The following GRM8 variants were observed in gnomAD, a reference collection of about 807,000 sequenced individuals.
The protein encoded by GRM8 is glutamate metabotropic receptor 8.
A neutral mutation model predicts 87.2 loss-of-function variants in GRM8; 47 were observed. That is an observed-to-expected ratio of 0.54 (90% CI 0.43 to 0.69). GRM8 has a LOEUF of 0.69. Ranked by LOEUF, GRM8 falls within the 30% of genes least tolerant of loss-of-function variation. The pLI is 0.00. For missense variants in GRM8, 1,019 were observed against 1,139.2 expected (o/e 0.89, Z 1.52); for synonymous variants, 396 against 404.5 (o/e 0.98, Z 0.25).
chr7:127,021,343 T>A (rs1239599549), intron 3 of GRM8, among the ~76,000 whole-genome samples: 3 of 151,464 alleles, frequency 2.0e-5, no homozygotes, highest in African/African-American at 7.3e-5. Flanking sequence ...CAGAGGGAAA[T>A]TTTTTTTAAA....
chr7:126,768,911 C>T (rs185062893), intron 7 of GRM8, among the ~76,000 whole-genome samples: 109 of 111,358 alleles, frequency 9.8e-4, no homozygotes, highest in African/African-American at 3.9e-3. Context: ...CTTAGGTTGC[C>T]TTTAAAGGAA....
intron 2 of GRM8, among the ~76,000 whole-genome samples, chr7:127,242,022 T>C (rs1378252627): frequency 1.3e-5 from 2 of 152,224 alleles, no homozygotes; most frequent in Non-Finnish European, 2.9e-5. Flanking sequence ...AACATATGGG[T>C]AATAGATCAC....
chr7:127,050,420 G>A (rs1476096321), intron 3 of GRM8, among the ~76,000 whole-genome samples: 1 of 152,202 alleles, frequency 6.6e-6, no homozygotes, highest in Admixed American at 6.5e-5. Context: ...GTAGAGGTAG[G>A]AGTGAAGGTC....
chr7:126,883,752 A>C (rs568749076), intron 6 of GRM8, among the ~76,000 whole-genome samples: 2 of 152,274 alleles, frequency 1.3e-5, no homozygotes, highest in South Asian at 4.1e-4. Flanking sequence ...AGACAGACTA[A>C]ACTTTTTAAC....
At chr7:127,029,797 G>A (rs1460467370) in intron 3 of GRM8, among the ~76,000 whole-genome samples, 1 of 151,896 alleles carries the variant, frequency 6.6e-6, no homozygotes, top group East Asian at 1.9e-4. Context: ...CAATTTGCCA[G>A]GCTGAGAGAT....
chr7:127,168,847 G>T (rs1368038602), intron 2 of GRM8, among the ~76,000 whole-genome samples: 1 of 151,894 alleles, frequency 6.6e-6, no homozygotes, highest in South Asian at 2.1e-4. Context: ...ACACACGGGG[G>T]CCTGTCGGGT....
chr7:126,601,897 A>T (rs1367019381), intron 8 of GRM8, among the ~76,000 whole-genome samples: 41 of 139,432 alleles, frequency 2.9e-4, no homozygotes, highest in Non-Finnish European at 4.7e-4. Context: ...GTTCACTCTG[A>T]TGGTAGTTTC....
chr7:127,057,556 A>G (rs1383015294), intron 3 of GRM8, among the ~76,000 whole-genome samples: 1 of 152,230 alleles, frequency 6.6e-6, no homozygotes, highest in Admixed American at 6.5e-5. Context: ...ACACATATAC[A>G]AAGTAAAACA....
intron 3 of GRM8, among the ~76,000 whole-genome samples, chr7:127,042,264 A>T (rs4731343): frequency 0.34 from 52,365 of 152,032 alleles, 9,465 homozygotes; most frequent in Non-Finnish European, 0.41. Flanking sequence ...CAGGGTAAGT[A>T]ACAGGATTGC....
intron 2 of GRM8, among the ~76,000 whole-genome samples, chr7:127,138,092 T>G (rs1187296537): frequency 6.6e-6 from 1 of 152,124 alleles, no homozygotes; most frequent in African/African-American, 2.4e-5. Flanking sequence ...AAGCAGCACC[T>G]GCAATTCCCT....
At chr7:126,443,668 T>G (rs1801707395) in intron 10 of GRM8, among the ~76,000 whole-genome samples, 1 of 152,054 alleles carries the variant, frequency 6.6e-6, no homozygotes, top group African/African-American at 2.4e-5. Context: ...TGATTTACTT[T>G]TTGACTTTAC....
chr7:126,535,696 A>T (rs1404619551), intron 8 of GRM8, among the ~76,000 whole-genome samples: 2 of 152,202 alleles, frequency 1.3e-5, no homozygotes, highest in African/African-American at 4.8e-5. Context: ...GTCTTACGGG[A>T]AGCTGCTTCT....
chr7:126,578,728 T>C (rs1253250756), intron 8 of GRM8, among the ~76,000 whole-genome samples: 1 of 152,202 alleles, frequency 6.6e-6, no homozygotes, highest in Non-Finnish European at 1.5e-5. Context: ...GAAGGCTGTA[T>C]AAAGGCACAT....
intron 9 of GRM8, among the ~76,000 whole-genome samples, chr7:126,505,822 T>A (rs1810372824): frequency 6.6e-6 from 1 of 152,054 alleles, no homozygotes; most frequent in African/African-American, 2.4e-5. Context: ...CTAACATATT[T>A]AATATTTTCT....
At chr7:126,924,156 A>G (rs1359590810) in intron 3 of GRM8, among the ~76,000 whole-genome samples, 1 of 152,188 alleles carries the variant, frequency 6.6e-6, no homozygotes, top group East Asian at 1.9e-4. Flanking sequence ...AACATCAGCA[A>G]TAGGGGGAAT....
chr7:126,769,873 T>A lies in GRM8; in HGVS notation c.1349A>T (p.Asn450Ile), dbSNP rs1174011588. The change falls in exon 7 of 11, where the codon AAT becomes ATT. Residue 450 changes from asparagine to isoleucine, a missense_variant. Transcript: ENST00000339582. ...KELLGYIRAV[N>I]FNGSAGTPVT... ...CACACGTTGTAACTTACCATTAAAA[T>A]TTACAGCCCGAATATAACCAAGTAG... The A allele has an allele frequency of 8.8e-6, 14 of 1,592,674 alleles. No homozygotes were observed. The highest frequency in any genetic ancestry group is 1.2e-5 in the Non-Finnish European group (14 of 1,164,864).
chr7:126,622,485 A>G (rs139557642), intron 7 of GRM8, among the ~76,000 whole-genome samples: 2,377 of 152,006 alleles, frequency 0.016, 31 homozygotes, highest in Non-Finnish European at 0.023. Context: ...CTTCCTCATC[A>G]TTCCACCACA....
chr7:126,552,040 C>T (rs1281110353), intron 8 of GRM8, among the ~76,000 whole-genome samples: 1 of 152,008 alleles, frequency 6.6e-6, no homozygotes, highest in African/African-American at 2.4e-5. Context: ...TTTTACATGT[C>T]TCTATTTACT....
intron 7 of GRM8, among the ~76,000 whole-genome samples, chr7:126,712,103 T>C (rs1482395277): frequency 6.6e-6 from 1 of 152,256 alleles, no homozygotes. Context: ...GCTTTCAACA[T>C]GGCTTCCTTA....
Sources: gnomAD v4.1 joint callset for allele counts (sites outside exome capture counted in the v4.1 genomes callset) on GRCh38, gnomAD v4.1.1 for gene constraint, MANE v1.5 for transcripts, NCBI Gene and HGNC (gene_info 2026-07-23, HGNC 2026-07-21) for gene names.